The following MED13L variants were observed in gnomAD, a reference collection of about 807,000 sequenced individuals.
The protein encoded by MED13L is mediator complex subunit 13L, also known as mediator of RNA polymerase II transcription subunit 13-like.
MED13L carries 7 observed loss-of-function variants against 220.9 expected under a neutral mutation model. The ratio of observed to expected loss-of-function variants is 0.03; its 90% CI spans 0.02 to 0.06. The LOEUF (loss-of-function observed/expected upper bound fraction) is 0.06. Ranked by LOEUF, MED13L falls within the 10% of genes least tolerant of loss-of-function variation. MED13L has a pLI of 1.00. For synonymous variants in MED13L, 1,011 were observed against 1,015.2 expected (o/e 1.00, Z 0.08); for missense variants, 1,965 against 2,760.5 (o/e 0.71, Z 6.46).
chr12:116,062,765 G>C (rs553519621), intron 4 of MED13L, among the ~76,000 whole-genome samples: 1 of 152,188 alleles, frequency 6.6e-6, no homozygotes, highest in African/African-American at 2.4e-5. Flanking sequence ...TTTTAAAACA[G>C]AGGGGGAAAA....
chr12:116,201,457 A>G (rs917590065), intron 2 of MED13L, among the ~76,000 whole-genome samples: 1 of 152,210 alleles, frequency 6.6e-6, no homozygotes, highest in Admixed American at 6.5e-5. Context: ...TAAAAATGAC[A>G]CATGTAGATC....
At chr12:116,223,990 G>A (rs1253701868) in intron 2 of MED13L, among the ~76,000 whole-genome samples, 3 of 152,280 alleles carry the variant, frequency 2.0e-5, no homozygotes, top group Admixed American at 1.3e-4. Flanking sequence ...CAACAAATAT[G>A]TACCAGGAAT....
intron 2 of MED13L, among the ~76,000 whole-genome samples, chr12:116,173,351 T>A (rs147005447): frequency 7.2e-4 from 110 of 152,236 alleles, no homozygotes; most frequent in Non-Finnish European, 1.3e-3. Context: ...TATCAATATA[T>A]ATAAAACCAT....
At chr12:116,257,466 C>A (rs1477188532) in intron 1 of MED13L, among the ~76,000 whole-genome samples, 1 of 152,162 alleles carries the variant, frequency 6.6e-6, no homozygotes, top group Non-Finnish European at 1.5e-5. Context: ...CACATTTCCA[C>A]CTCCTCCTAA....
intron 2 of MED13L, among the ~76,000 whole-genome samples, chr12:116,144,974 C>A (rs189419388): frequency 1.2e-3 from 182 of 152,296 alleles, no homozygotes; most frequent in Admixed American, 3.5e-3. Flanking sequence ...AAGGTAATTA[C>A]GTGTATCTGT....
intron 16 of MED13L, among the ~76,000 whole-genome samples, chr12:115,994,311 G>C (rs774938759): frequency 3.3e-5 from 5 of 152,110 alleles, no homozygotes; most frequent in African/African-American, 1.2e-4. Flanking sequence ...TTAGCTGGGT[G>C]TGGTGGCACG....
intron 2 of MED13L, among the ~76,000 whole-genome samples, chr12:116,160,892 G>A (rs1336818641): frequency 2.6e-5 from 4 of 151,622 alleles, no homozygotes; most frequent in Non-Finnish European, 5.9e-5. Flanking sequence ...ACAGAATTCT[G>A]GCTAAAGCCT....
At chr12:116,087,127 CCTT>C (rs1871762279) in intron 4 of MED13L, among the ~76,000 whole-genome samples, 1 of 152,028 alleles carries the variant, frequency 6.6e-6, no homozygotes, top group African/African-American at 2.4e-5. Context: ...AAAAAATTCT[CCTT>C]ATTTTTTTCT....
intron 14 of MED13L, among the ~76,000 whole-genome samples, chr12:116,002,532 A>G (rs1878810907): frequency 6.6e-6 from 1 of 152,212 alleles, no homozygotes; most frequent in Non-Finnish European, 1.5e-5. Flanking sequence ...ATATGGTAAA[A>G]CTAGTTGATC....
chr12:116,097,071 GCAT>G (rs1200073906), intron 3 of MED13L, among the ~76,000 whole-genome samples: 1 of 151,854 alleles, frequency 6.6e-6, no homozygotes, highest in Non-Finnish European at 1.5e-5. Context: ...TTCAATTCTT[GCAT>G]CATCAAGAAT....
intron 2 of MED13L, among the ~76,000 whole-genome samples, chr12:116,138,155 C>G (rs1298058003): frequency 1.3e-5 from 2 of 152,080 alleles, no homozygotes; most frequent in Admixed American, 6.6e-5. Context: ...CACGCCCGGC[C>G]TGACATAAAT....
intron 2 of MED13L, among the ~76,000 whole-genome samples, chr12:116,201,744 T>C (rs1392234170): frequency 6.6e-6 from 1 of 152,192 alleles, no homozygotes. Flanking sequence ...GGTCTTCAAA[T>C]GGATGAATGA....
intron 1 of MED13L, among the ~76,000 whole-genome samples, chr12:116,265,607 A>G (rs1872774446): frequency 6.6e-6 from 1 of 152,230 alleles, no homozygotes; most frequent in South Asian, 2.1e-4. Flanking sequence ...CATTTTGCGT[A>G]ATATAGCACT....
chr12:116,051,832 A>G (rs919564453), intron 4 of MED13L, among the ~76,000 whole-genome samples: 3 of 152,180 alleles, frequency 2.0e-5, no homozygotes, highest in Non-Finnish European at 4.4e-5. Context: ...AAAAGTTACA[A>G]CTTTGGAGTA....
At position 115,984,186 on chromosome 12, in the gene MED13L, G is replaced by A. The variant is rs576128399; in HGVS notation, c.4525C>T (p.His1509Tyr). 4.6e-5 allele frequency: 74 copies of A among 1,613,754 alleles called. 1 individual carries two copies. The South Asian group carries it at 6.4e-4, about 14-fold the overall frequency. The part of the protein sequence containing the change: ...LKLYAQVCRH[H>Y]LAPYLATLQL... ...CAAATAAATTCCCATTTACCTAGGT[G>A]ATGGCGGCAAACTTGCGCATAAAGT... The change falls in exon 20 of 31, where the codon CAC (histidine) becomes TAC (tyrosine). Residue 1509 changes from histidine (H) to tyrosine (Y), a missense_variant. Physicochemically the swap from His to Tyr is moderately conservative, Grantham distance 83. Coordinates refer to ENST00000281928, the MANE Select transcript of MED13L (RefSeq NM_015335.5).
chr12:116,044,361 C>T (rs1177569381), intron 4 of MED13L, among the ~76,000 whole-genome samples: 2 of 152,184 alleles, frequency 1.3e-5, no homozygotes, highest in African/African-American at 4.8e-5. Flanking sequence ...GACTCAGGAG[C>T]TCTGCCAGTT....
chr12:116,074,171 G>C (rs1458605710), intron 4 of MED13L, among the ~76,000 whole-genome samples: 3 of 152,206 alleles, frequency 2.0e-5, no homozygotes, highest in African/African-American at 7.2e-5. Flanking sequence ...AAGGCAAGTG[G>C]ATCAGGAGAG....
At chr12:116,018,780 C>T (rs1879878735) in intron 7 of MED13L, among the ~76,000 whole-genome samples, 2 of 151,934 alleles carry the variant, frequency 1.3e-5, no homozygotes, top group Admixed American at 6.6e-5. Flanking sequence ...AAGCACTAGT[C>T]TAACTTTACA....
At chr12:116,001,179 T>C (rs552618006) in intron 14 of MED13L, among the ~76,000 whole-genome samples, 2 of 152,296 alleles carry the variant, frequency 1.3e-5, no homozygotes, top group Admixed American at 6.5e-5. Flanking sequence ...TGGACAGTGT[T>C]GTTTAGACAT....
Sources: gnomAD v4.1 joint callset for allele counts (sites outside exome capture counted in the v4.1 genomes callset) on GRCh38, gnomAD v4.1.1 for gene constraint, MANE v1.5 for transcripts, NCBI Gene and HGNC (gene_info 2026-07-23, HGNC 2026-07-21) for gene names.